Variants in GPBP1 observed in about 807,000 individuals in gnomAD.
The protein encoded by GPBP1 is vasculin.
In GPBP1, 13 loss-of-function variants were observed where a neutral mutation model predicts 56.5. The observed-to-expected ratio is 0.23, with a 90% CI of 0.15 to 0.37. The LOEUF is 0.37. GPBP1 is among the 10% of genes least tolerant of loss of function. GPBP1 has a pLI of 1.00. For missense variants in GPBP1, 477 were observed against 572.3 expected (o/e 0.83, Z 1.70); for synonymous variants, 204 against 188.9 (o/e 1.08, Z -0.66).
chr5:57,182,482 C>T (rs1471346340), intron 2 of GPBP1, among the ~76,000 whole-genome samples: 2 of 151,488 alleles, frequency 1.3e-5, no homozygotes, highest in African/African-American at 4.9e-5. Context: ...AAGTGATTCT[C>T]CTGCCTCAGC....
At chr5:57,205,000 T>C (rs549751099) in intron 2 of GPBP1, among the ~76,000 whole-genome samples, 1 of 152,200 alleles carries the variant, frequency 6.6e-6, no homozygotes, top group African/African-American at 2.4e-5. Flanking sequence ...AAGCATACAA[T>C]TCATTGGCAT....
At chr5:57,230,754 A>G (rs200299663) in intron 3 of GPBP1, 92 bp from the exon 4 acceptor site, 1 of 1,102,752 alleles carries the variant, frequency 9.1e-7, no homozygotes, top group African/African-American at 1.6e-5. Flanking sequence ...AATCATTTAA[A>G]ATTTTTGGAA....
In GPBP1 at chr5:57,258,512, G is replaced by A. The variant is rs1741758506; in HGVS notation, c.1161-2668G>A. Among the ~76,000 whole-genome samples the A allele has an allele frequency of 2.6e-5, 4 of 152,112 alleles. No homozygotes were observed. The South Asian group carries it at 8.3e-4, about 32-fold the overall frequency. On this transcript the variant is annotated intron_variant, in intron 10 of 11. Coordinates refer to ENST00000506184, the MANE Select transcript of GPBP1 (RefSeq NM_022913.4). Reference sequence around the variant, plus strand: ...CTAAGCATATCTAAACATATACAAAGGTACAGTAAGAAAATGGTATTACAG... The same window carrying A: ...CTAAGCATATCTAAACATATACAAAAGTACAGTAAGAAAATGGTATTACAG...
intron 2 of GPBP1, among the ~76,000 whole-genome samples, chr5:57,179,472 C>CA (rs1753945289): frequency 6.6e-6 from 1 of 152,198 alleles, no homozygotes; most frequent in Non-Finnish European, 1.5e-5. Context: ...CTTGGCCTCT[C>CA]AAAGTGCTGG....
intron 2 of GPBP1, among the ~76,000 whole-genome samples, chr5:57,211,576 T>TTGTTGTTGTTG (rs67872011): frequency 2.4e-4 from 37 of 151,034 alleles, no homozygotes; most frequent in South Asian, 6.3e-4. Context: ...CTCCGGGGAT[T>TTGTTGTTGTTG]TTGTTGTTGT....
intron 2 of GPBP1, among the ~76,000 whole-genome samples, chr5:57,209,408 C>T (rs1304248049): frequency 1.4e-4 from 21 of 152,314 alleles, no homozygotes; most frequent in Admixed American, 7.8e-4. Context: ...TCTAGCACTT[C>T]TCCCTTCCCA....
intron 9 of GPBP1, 41 bp from the exon 10 acceptor site, chr5:57,250,913 G>GAA (rs1465221188): frequency 7.8e-7 from 1 of 1,283,692 alleles, no homozygotes; most frequent in Non-Finnish European, 1.1e-6. Context: ...GTATTCTGTA[G>GAA]AACTCATTCT....
At chr5:57,183,327 A>G (rs1183075296) in intron 2 of GPBP1, among the ~76,000 whole-genome samples, 1 of 152,172 alleles carries the variant, frequency 6.6e-6, no homozygotes, top group Non-Finnish European at 1.5e-5. Context: ...AGATCATGCC[A>G]TTGCACTCCA....
intron 2 of GPBP1, among the ~76,000 whole-genome samples, chr5:57,182,128 G>T (rs939841752): frequency 2.0e-5 from 3 of 152,106 alleles, no homozygotes; most frequent in Non-Finnish European, 4.4e-5. Context: ...CTCTTGCCCA[G>T]GCTGGAGTGC....
chr5:57,242,974 C>T (rs879879528), intron 6 of GPBP1, among the ~76,000 whole-genome samples: 4 of 151,854 alleles, frequency 2.6e-5, no homozygotes, highest in African/African-American at 4.8e-5. Flanking sequence ...TGGTCTCAAA[C>T]TCCTAACCTT....
At chr5:57,244,961 C>T (rs937593687) in intron 6 of GPBP1, among the ~76,000 whole-genome samples, 2 of 152,134 alleles carry the variant, frequency 1.3e-5, no homozygotes, top group African/African-American at 4.8e-5. Flanking sequence ...TGTTCTTGAG[C>T]TCCGGACCTC....
chr5:57,226,509 G>T (rs1169365356), intron 3 of GPBP1, among the ~76,000 whole-genome samples: 1 of 147,582 alleles, frequency 6.8e-6, no homozygotes, highest in African/African-American at 2.5e-5. Flanking sequence ...CTGATGGGTA[G>T]ATCATTGAGA....
rs556488325 is a variant in GPBP1, at chr5:57,260,259, A to G, written c.1161-921A>G. Among the ~76,000 whole-genome samples the G allele has an allele frequency of 7.2e-5, 11 of 152,252 alleles. No individual in the cohort carries two copies. In the South Asian group the frequency reaches 2.3e-3, roughly 32 times the overall value. On this transcript the variant is annotated intron_variant, in intron 10 of 11. Transcript: ENST00000506184. ...AACAAGATTAATTTTTTCCTTGTCA[A>G]TTGATGGGGATGATCTGCTGCTGCT...
chr5:57,193,761 T>G (rs1461756195), intron 2 of GPBP1, among the ~76,000 whole-genome samples: 1 of 152,058 alleles, frequency 6.6e-6, no homozygotes, highest in African/African-American at 2.4e-5. Flanking sequence ...TAACTCAGTT[T>G]CAGAAAAAAA....
At chr5:57,259,312 G>A (rs141947141) in intron 10 of GPBP1, among the ~76,000 whole-genome samples, 94 of 152,220 alleles carry the variant, frequency 6.2e-4, no homozygotes, top group African/African-American at 2.1e-3. Context: ...TTTTATTCAA[G>A]GTCTCAGATA....
chr5:57,205,729 T>TC (rs1755205139), intron 2 of GPBP1, among the ~76,000 whole-genome samples: 1 of 152,048 alleles, frequency 6.6e-6, no homozygotes, highest in Non-Finnish European at 1.5e-5. Context: ...GGGAAAATAT[T>TC]CAAGTGCTTT....
At chr5:57,197,760 C>G (rs535491113) in intron 2 of GPBP1, among the ~76,000 whole-genome samples, 1 of 151,370 alleles carries the variant, frequency 6.6e-6, no homozygotes. Context: ...CTGAAAAATT[C>G]ATTTATCTTG....
chr5:57,192,148 C>T (rs779935806), intron 2 of GPBP1, among the ~76,000 whole-genome samples: 3 of 152,180 alleles, frequency 2.0e-5, no homozygotes, highest in Non-Finnish European at 4.4e-5. Context: ...TGAGTATCCT[C>T]AGGAGAGTGT....
intron 3 of GPBP1, among the ~76,000 whole-genome samples, chr5:57,223,064 C>T (rs906024670): frequency 1.3e-5 from 2 of 151,596 alleles, no homozygotes; most frequent in Non-Finnish European, 2.9e-5. Flanking sequence ...TCATATGGCG[C>T]CCCAGAACTG....
Sources: allele counts gnomAD v4.1 joint callset (sites outside exome capture counted in the v4.1 genomes callset), GRCh38; gene constraint gnomAD v4.1.1; transcripts MANE v1.5; gene names NCBI Gene and HGNC (gene_info 2026-07-23, HGNC 2026-07-21).